Variants in FHOD3 observed in about 807,000 individuals in gnomAD.
FHOD3 encodes formin homology 2 domain containing 3.
In FHOD3, 90 loss-of-function variants were observed where a neutral mutation model predicts 173.0. The ratio of observed to expected loss-of-function variants is 0.52; its 90% confidence interval spans 0.44 to 0.62. The LOEUF is 0.62. Ranked by LOEUF, FHOD3 falls within the 20% of genes least tolerant of loss-of-function variation. FHOD3 has a pLI of 0.00. For missense variants in FHOD3, 1,945 were observed against 2,034.7 expected (o/e 0.96, Z 0.85); for synonymous variants, 828 against 823.0 (o/e 1.01, Z -0.10).
At chr18:36,513,835 T>C (rs1339159076) in intron 5 of FHOD3, among the ~76,000 whole-genome samples, 2 of 151,790 alleles carry the variant, frequency 1.3e-5, no homozygotes, top group African/African-American at 4.8e-5. Context: ...AAACGGCAAA[T>C]GTGTGTGAGA....
At chr18:36,446,680 T>G (rs993543547) in intron 3 of FHOD3, among the ~76,000 whole-genome samples, 29 of 152,162 alleles carry the variant, frequency 1.9e-4, no homozygotes, top group African/African-American at 7.0e-4. Flanking sequence ...TGGTTTGCAC[T>G]GGCCAGTTCA....
chr18:36,696,869 A>T (rs1035381127), intron 17 of FHOD3, among the ~76,000 whole-genome samples: 3 of 152,254 alleles, frequency 2.0e-5, no homozygotes, highest in Admixed American at 2.0e-4. Context: ...TTGGGCAAAC[A>T]TGGAAAGGCA....
At chr18:36,463,157 T>A (rs563783264) in intron 3 of FHOD3, among the ~76,000 whole-genome samples, 1 of 152,108 alleles carries the variant, frequency 6.6e-6, no homozygotes, top group Non-Finnish European at 1.5e-5. Flanking sequence ...ATTAACTAAT[T>A]TAGATTTAAA....
intron 3 of FHOD3, among the ~76,000 whole-genome samples, chr18:36,494,303 A>G (rs568154116): frequency 1.1e-4 from 16 of 152,334 alleles, no homozygotes; most frequent in African/African-American, 2.4e-4. Flanking sequence ...ATTACAAGCT[A>G]GTTTACAGCA....
At chr18:36,747,484 A>T (rs903222015) in intron 24 of FHOD3, among the ~76,000 whole-genome samples, 1 of 152,244 alleles carries the variant, frequency 6.6e-6, no homozygotes, top group Non-Finnish European at 1.5e-5. Context: ...CTTTCAAGGC[A>T]GCTCTCTTTG....
intron 8 of FHOD3, among the ~76,000 whole-genome samples, chr18:36,610,583 ATTAGTTTCT>A (rs2032571920): frequency 1.3e-5 from 2 of 152,162 alleles, no homozygotes. Flanking sequence ...ATTAGTTTTC[ATTAGTTTCT>A]GATCTCAATA....
intron 5 of FHOD3, among the ~76,000 whole-genome samples, chr18:36,517,874 A>G (rs1352523321): frequency 1.3e-5 from 2 of 152,204 alleles, no homozygotes; most frequent in Non-Finnish European, 2.9e-5. Context: ...ACTATAGTCC[A>G]CTATAGGAAA....
chr18:36,342,404 T>G (rs55775019), intron 1 of FHOD3, among the ~76,000 whole-genome samples: 1 of 152,088 alleles, frequency 6.6e-6, no homozygotes, highest in African/African-American at 2.4e-5. Context: ...GTAATCTGCA[T>G]GCAAGCACAT....
intron 1 of FHOD3, 38 bp from the exon 2 acceptor site, chr18:36,355,501 A>G (rs759004871): frequency 3.2e-6 from 5 of 1,543,324 alleles, no homozygotes. Flanking sequence ...TCTCCATCTG[A>G]GGAGCAGGTT....
At chr18:36,777,198 C>CTTTTTTTTTT (rs11294880) in intron 28 of FHOD3, among the ~76,000 whole-genome samples, 40 of 108,870 alleles carry the variant, frequency 3.7e-4, no homozygotes, top group African/African-American at 6.0e-4. Flanking sequence ...TCTTCTTTTT[C>CTTTTTTTTTT]TTTTTTTTTT....
At chr18:36,325,950 CA>C (rs2044649172) in intron 1 of FHOD3, among the ~76,000 whole-genome samples, 1 of 152,182 alleles carries the variant, frequency 6.6e-6, no homozygotes, top group African/African-American at 2.4e-5. Flanking sequence ...AAACTTTCTT[CA>C]GGGAAAGAAA....
intron 13 of FHOD3, among the ~76,000 whole-genome samples, chr18:36,656,083 A>G (rs1175153839): frequency 1.3e-5 from 2 of 152,074 alleles, no homozygotes; most frequent in Non-Finnish European, 2.9e-5. Flanking sequence ...ATCAGGCTGC[A>G]TCAGGGTCTC....
At chr18:36,382,429 G>A (rs1276865083) in intron 3 of FHOD3, among the ~76,000 whole-genome samples, 1 of 152,166 alleles carries the variant, frequency 6.6e-6, no homozygotes, top group Non-Finnish European at 1.5e-5. Context: ...CAGGGAGAAG[G>A]CTGGAGATAA....
chr18:36,412,722 A>G (rs1273442957), intron 3 of FHOD3, among the ~76,000 whole-genome samples: 1 of 152,162 alleles, frequency 6.6e-6, no homozygotes, highest in Non-Finnish European at 1.5e-5. Context: ...TAATTAAAGG[A>G]TGTTTGCTGT....
At chr18:36,605,959 CTG>C (rs2032022527) in intron 8 of FHOD3, among the ~76,000 whole-genome samples, 1 of 152,152 alleles carries the variant, frequency 6.6e-6, no homozygotes, top group Non-Finnish European at 1.5e-5. Flanking sequence ...ATCCTGGTAA[CTG>C]TTCTAAAACT....
At chr18:36,593,746 A>G (rs1260095172) in intron 6 of FHOD3, among the ~76,000 whole-genome samples, 1 of 152,118 alleles carries the variant, frequency 6.6e-6, no homozygotes, top group East Asian at 1.9e-4. Flanking sequence ...TCAGTCAACA[A>G]ACACCTTCCA....
At chr18:36,389,704 G>A (rs1226822508) in intron 3 of FHOD3, among the ~76,000 whole-genome samples, 1 of 152,100 alleles carries the variant, frequency 6.6e-6, no homozygotes, top group Non-Finnish European at 1.5e-5. Flanking sequence ...CATCTCAAGG[G>A]AGCCCAACAC....
rs1356449260 is a variant in FHOD3, at chr18:36,649,406, G to T, written c.1286+1G>T. 6 of 1,534,858 alleles carry T rather than the reference G, an allele frequency of 3.9e-6. No individual in the cohort carries two copies. The highest frequency in any genetic ancestry group is 4.9e-5 in the East Asian group (2 of 40,900). On this transcript the variant is annotated splice_donor_variant, in intron 11 of 28. Coordinates refer to ENST00000590592, the MANE Select transcript of FHOD3 (RefSeq NM_001281740.3). LOFTEE classifies it high-confidence loss of function. The stretch of plus-strand genomic sequence containing the variant: ...ATGCTTCCTGTCAGGGCAAGGACAG[G>T]TACCTAGGACTGGAGCCTCCCAAGC...
At chr18:36,444,968 A>G (rs2051383591) in intron 3 of FHOD3, among the ~76,000 whole-genome samples, 1 of 152,218 alleles carries the variant, frequency 6.6e-6, no homozygotes, top group Non-Finnish European at 1.5e-5. Flanking sequence ...CTATAACTAA[A>G]AGATAAGTCA....
Sources: allele counts gnomAD v4.1 joint callset (sites outside exome capture counted in the v4.1 genomes callset), GRCh38; gene constraint gnomAD v4.1.1; transcripts MANE v1.5; gene names NCBI Gene and HGNC (gene_info 2026-07-23, HGNC 2026-07-21).